The following GON4L variants were observed in gnomAD, a reference collection of about 807,000 sequenced individuals.
GON4L encodes the protein gon-4 like, also known as GON-4-like protein.
Under a neutral mutation model 211.8 loss-of-function variants are expected in GON4L, and 87 were observed. The observed-to-expected ratio is 0.41, with a 90% CI of 0.35 to 0.49. The LOEUF (loss-of-function observed/expected upper bound fraction) is 0.49. Among genes scored for constraint, GON4L ranks in the 20% least tolerant of loss-of-function variants. The probability of loss-of-function intolerance (pLI) is 0.15; values close to 1 mark genes in which losing one functional copy is unlikely to be tolerated. For missense variants in GON4L, 2,155 were observed against 2,659.5 expected (o/e 0.81, Z 4.17); for synonymous variants, 875 against 962.6 (o/e 0.91, Z 1.68).
chr1:155,804,930 A>C lies in GON4L; in HGVS notation c.1645+19T>G. ...AGATAATGGACAGTATACATAATAA[A>C]TCACAAACCAAAACTTACCTTCATT... is the stretch of plus-strand genomic sequence containing the variant. On this transcript the variant is annotated intron_variant, in intron 11 of 31. Transcript: ENST00000368331. 6.3e-7 allele frequency: 1 copy of C among 1,596,064 alleles called. No homozygotes were observed. Among genetic ancestry groups the C allele is most frequent in the East Asian group, 2.2e-5 (1 of 44,790 alleles).
chr1:155,778,069 T>C (rs763205767), intron 14 of GON4L, among the ~76,000 whole-genome samples: 1 of 152,122 alleles, frequency 6.6e-6, no homozygotes, highest in Non-Finnish European at 1.5e-5. Context: ...CTAAATAATA[T>C]ACAAATAAAG....
At chr1:155,824,989 T>TA (rs1669061992) in intron 3 of GON4L, among the ~76,000 whole-genome samples, 1 of 149,506 alleles carries the variant, frequency 6.7e-6, no homozygotes, top group Non-Finnish European at 1.5e-5. Flanking sequence ...TCTAAAAAAA[T>TA]AATAATAATA....
chr1:155,820,559 T>C, intron 6 of GON4L, 47 bp downstream of exon 6: 3 of 1,300,390 alleles, frequency 2.3e-6, no homozygotes, highest in Non-Finnish European at 3.4e-6. Context: ...TTAGATCCTA[T>C]TCACCAAGCT....
At chr1:155,828,769 C>G (rs1019246298) in intron 2 of GON4L, among the ~76,000 whole-genome samples, 15 of 140,808 alleles carry the variant, frequency 1.1e-4, no homozygotes, top group African/African-American at 3.7e-4. Flanking sequence ...GATCGCGCCA[C>G]TGAACTCCAG....
chr1:155,809,427 T>C (rs1437036081), intron 10 of GON4L, among the ~76,000 whole-genome samples: 2 of 151,412 alleles, frequency 1.3e-5, no homozygotes, highest in African/African-American at 2.4e-5. Context: ...AATGATTACA[T>C]AAAAAACTAT....
chr1:155,815,279 A>G (rs1176235136), intron 8 of GON4L, among the ~76,000 whole-genome samples: 2 of 152,258 alleles, frequency 1.3e-5, no homozygotes, highest in Non-Finnish European at 2.9e-5. Flanking sequence ...GCTAAAACCA[A>G]TAGTATAAAT....
chr1:155,838,139 T>TA (rs1162982902), intron 2 of GON4L, among the ~76,000 whole-genome samples: 4 of 152,034 alleles, frequency 2.6e-5, no homozygotes, highest in Admixed American at 2.0e-4. Flanking sequence ...CACACACTTA[T>TA]AGTCCCAGCT....
At position 155,765,157 on chromosome 1, in the gene GON4L, C is replaced by A; in HGVS notation, c.4316G>T (p.Gly1439Val). The part of the protein sequence containing the change: ...GKPEDSSSVD[G>V]QSVGTPVGPE... ...CCCAACTGGAGTCCCCACTGACTGACCATCAACACTGGATGAATCTTCTGG... is the reference window on the plus strand; with the variant it reads ...CCCAACTGGAGTCCCCACTGACTGAACATCAACACTGGATGAATCTTCTGG... Residue 1439 changes from glycine to valine, a missense_variant, in exon 21 of 32, where the codon GGT becomes GTT. By Grantham distance (109) the Gly-to-Val change is moderately radical. Around this residue, in one of 6 missense-constraint regions of GON4L, gnomAD observed 615 missense variants for 625.7 expected, o/e 0.98. Coordinates refer to ENST00000368331, the MANE Select transcript of GON4L (RefSeq NM_001282860.2). 1 of 1,614,188 alleles carries A rather than the reference C, an allele frequency of 6.2e-7. No individual in the cohort carries two copies.
intron 11 of GON4L, among the ~76,000 whole-genome samples, chr1:155,799,921 C>T (rs1247724878): frequency 3.9e-5 from 6 of 152,226 alleles, no homozygotes; most frequent in Admixed American, 3.3e-4. Context: ...ATTATGAAGG[C>T]TAGGAGCAGT....
intron 2 of GON4L, among the ~76,000 whole-genome samples, chr1:155,848,133 A>T (rs2102466377): frequency 6.6e-6 from 1 of 152,258 alleles, no homozygotes; most frequent in Middle Eastern, 3.4e-3. Context: ...TCTATGGGGC[A>T]GCCATTTCCT....
At position 155,806,215 on chromosome 1, in the gene GON4L, C is replaced by T. The variant is rs978458319; in HGVS notation, c.1453-1074G>A. ...TCACCCATTCTGGAGTGCAGTGGTA[C>T]GATCTCGGATCACTGCAACCTCCAT... is the stretch of plus-strand genomic sequence containing the variant. On this transcript the variant is annotated intron_variant, in intron 10 of 31. Transcript: ENST00000368331. Among the ~76,000 whole-genome samples, 11 of 150,148 alleles carry T rather than the reference C, an allele frequency of 7.3e-5. No homozygotes were observed. In the South Asian group the frequency reaches 1.5e-3, roughly 20 times the overall value.
chr1:155,751,976 C>T lies in GON4L; in HGVS notation c.6457G>A (p.Val2153Ile). Residue 2153 changes from valine (V) to isoleucine (I), a missense_variant, in exon 30 of 32, where the codon GTT (valine) becomes ATT (isoleucine). By Grantham distance (29) the Val-to-Ile change is conservative. Coordinates refer to ENST00000368331, the MANE Select transcript of GON4L (RefSeq NM_001282860.2). ...NSKVSSTGEKVVLWTREADRV... is the reference protein window; with the variant it reads ...NSKVSSTGEKIVLWTREADRV... ...CTTACCTACCTTGTCCACAGGACAA[C>T]CTTTTCCCCAGTGGAGCTGACCTTG... is the stretch of plus-strand genomic sequence containing the variant. 2 of 1,612,250 alleles carry T rather than the reference C, an allele frequency of 1.2e-6. No individual in the cohort carries two copies. Among genetic ancestry groups the T allele is most frequent in the Non-Finnish European group, 1.7e-6 (2 of 1,178,500 alleles).
intron 2 of GON4L, among the ~76,000 whole-genome samples, chr1:155,832,546 G>A (rs1043112932): frequency 6.6e-6 from 1 of 151,934 alleles, no homozygotes; most frequent in Non-Finnish European, 1.5e-5. Context: ...GGCTGAGGCA[G>A]GAGAATTGCT....
chr1:155,748,846 C>T, downstream of GON4L: 1 of 1,515,484 alleles, frequency 6.6e-7, no homozygotes, highest in Non-Finnish European at 9.0e-7. Context: ...GTCCTTTTCC[C>T]CCTAATTTCT....
chr1:155,816,699 C>T (rs1668267033), intron 6 of GON4L, among the ~76,000 whole-genome samples: 1 of 148,774 alleles, frequency 6.7e-6, no homozygotes, highest in African/African-American at 2.5e-5. Flanking sequence ...TCCAAAAAGC[C>T]AGCCATGAAA....
In GON4L at chr1:155,765,199, C is replaced by CT; in HGVS notation, c.4273dup (p.Ser1425LysfsTer2). The CT allele has an allele frequency of 6.2e-7, 1 of 1,614,228 alleles. No individual in the cohort carries two copies. Among genetic ancestry groups the CT allele is most frequent in the Non-Finnish European group, 8.5e-7 (1 of 1,180,044 alleles). ...ATCTTCTGGCTTCCCTGGGGGGCTA[C>CT]TAAGCCTCACTTCAGGATCCATTGA... On this transcript the variant is annotated frameshift_variant, in exon 21 of 32. Coordinates refer to ENST00000368331, the MANE Select transcript of GON4L (RefSeq NM_001282860.2). LOFTEE classifies it high-confidence loss of function.
intron 12 of GON4L, among the ~76,000 whole-genome samples, chr1:155,789,696 T>C (rs1665326728): frequency 6.6e-6 from 1 of 151,848 alleles, no homozygotes; most frequent in South Asian, 2.1e-4. Flanking sequence ...GACAGGGAGA[T>C]GGACAGCTGC....
At position 155,845,577 on chromosome 1, in the gene GON4L, T is replaced by C. The variant is rs755004789; in HGVS notation, c.505+7699A>G. 4.9e-4 allele frequency: 142 copies of C among 292,002 alleles called. 1 individual carries two copies. Among genetic ancestry groups the C allele is most frequent in the Non-Finnish European group, 8.3e-4 (119 of 143,752 alleles). 18.1% of individuals were successfully genotyped at this position (292,002 alleles called of 1,614,324 possible). A position where few individuals can be genotyped will look rare whatever the true frequency, so the allele number is the denominator to read the frequency against. ...GAAGATGACAAAGATAATTGTTTTT[T>C]AGCCCACGATTATTTGAAAAACACA... On this transcript the variant is annotated intron_variant, in intron 2 of 31. Transcript: ENST00000368331.
intron 2 of GON4L, among the ~76,000 whole-genome samples, chr1:155,841,134 T>C (rs1259917894): frequency 1.3e-5 from 2 of 152,266 alleles, no homozygotes; most frequent in African/African-American, 4.8e-5. Context: ...TTCTATGCCT[T>C]GATACTAAAT....
Sources: allele counts gnomAD v4.1 joint callset (sites outside exome capture counted in the v4.1 genomes callset), GRCh38; gene constraint gnomAD v4.1.1; regional missense constraint gnomAD v4.1.1; transcripts MANE v1.5; gene names NCBI Gene and HGNC (gene_info 2026-07-23, HGNC 2026-07-21).